Variants in RAB8B observed in about 807,000 individuals in gnomAD.
RAB8B encodes the protein ras-related protein Rab-8B.
In RAB8B, 11 loss-of-function variants were observed where a neutral mutation model predicts 32.0. The ratio of observed to expected loss-of-function variants is 0.34; its 90% confidence interval spans 0.22 to 0.57. The LOEUF is 0.57. RAB8B is among the 20% of genes least tolerant of loss of function. The pLI, the probability that RAB8B is intolerant of heterozygous loss-of-function variation, is 0.86. For synonymous variants in RAB8B, 103 were observed against 89.6 expected, an observed-to-expected ratio of 1.15 and a Z score of -0.85; for missense variants, 190 against 258.5, an observed-to-expected ratio of 0.73 and a Z score of 1.82.
chr15:63,253,123 A>C (rs754431416), intron 3 of RAB8B, among the ~76,000 whole-genome samples: 2 of 152,216 alleles, frequency 1.3e-5, no homozygotes, highest in Non-Finnish European at 2.9e-5. Context: ...AAAGTGAAGC[A>C]TTTGTATTTG....
At chr15:63,242,873 G>A (rs114115885) in intron 1 of RAB8B, among the ~76,000 whole-genome samples, 244 of 152,168 alleles carry the variant, frequency 1.6e-3, no homozygotes, top group African/African-American at 5.6e-3. Flanking sequence ...GTGGTGGTGT[G>A]GGGGTGGGGG....
Position 63,262,748 on chromosome 15 carries a change from T to G in RAB8B, c.531+6T>G. On this transcript the variant is annotated splice_donor_region_variant and intron_variant, in intron 7 of 7. Transcript: ENST00000321437. ...CAAAACTCAACAGAAAAATGGTTTG[T>G]ATCACTTATAATTTTTATTTCCATT... The G allele has an allele frequency of 7.0e-7, 1 of 1,420,074 alleles. No homozygotes were observed. The allele number at this position is 1,420,074 out of a possible 1,614,324, so 88.0% of individuals were successfully genotyped here.
Position 63,263,672 on chromosome 15 carries a change from C to T in RAB8B, c.*53C>T, listed in dbSNP as rs2038220149. 1 of 1,419,462 alleles carries T rather than the reference C, an allele frequency of 7.0e-7. No homozygotes were observed. Among genetic ancestry groups the T allele is most frequent in the Non-Finnish European group, 9.9e-7 (1 of 1,006,596 alleles). 87.9% of individuals were successfully genotyped at this position (1,419,462 alleles called of 1,614,324 possible). A position where few individuals can be genotyped will look rare whatever the true frequency, so the allele number is the denominator to read the frequency against. On this transcript the variant is annotated 3_prime_UTR_variant, in exon 8 of 8. Transcript: ENST00000321437. ...ACCTAGAGGGCCCTTTCCTGCTTCT[C>T]TGAAAGCACAGGTCACCCAGCCTCA...
intron 1 of RAB8B, among the ~76,000 whole-genome samples, chr15:63,239,919 G>A (rs1238401853): frequency 6.6e-6 from 1 of 152,104 alleles, no homozygotes; most frequent in East Asian, 1.9e-4. Context: ...TTAAATCACT[G>A]TGCAAAAACC....
intron 1 of RAB8B, among the ~76,000 whole-genome samples, chr15:63,198,021 G>T (rs926252618): frequency 6.6e-6 from 1 of 152,124 alleles, no homozygotes; most frequent in South Asian, 2.1e-4. Context: ...GTCTGGAGAG[G>T]TGCCCTTTTC....
intron 1 of RAB8B, among the ~76,000 whole-genome samples, chr15:63,196,925 A>C (rs1268865759): frequency 6.6e-6 from 1 of 152,224 alleles, no homozygotes; most frequent in East Asian, 1.9e-4. Flanking sequence ...ACCAAATAGA[A>C]AATGAGTGAA....
chr15:63,225,994 C>G (rs1400183930), intron 1 of RAB8B, among the ~76,000 whole-genome samples: 1 of 152,082 alleles, frequency 6.6e-6, no homozygotes, highest in East Asian at 1.9e-4. Flanking sequence ...GTGCTTGCCA[C>G]CATGCCTGGC....
At chr15:63,230,041 T>C (rs1279622911) in intron 1 of RAB8B, among the ~76,000 whole-genome samples, 2 of 150,402 alleles carry the variant, frequency 1.3e-5, no homozygotes, top group East Asian at 4.2e-4. Flanking sequence ...AAATATGCCA[T>C]TTGTGCCAAA....
rs553627717 is a variant in RAB8B at position 63,266,548 on chromosome 15, A to G, written c.*2929A>G. 3.6e-4 allele frequency: 55 copies of G among 152,730 alleles called. No homozygotes were observed. The highest frequency in any genetic ancestry group is 1.2e-3 in the African/African-American group (50 of 41,576). The allele number at this position is 152,730 out of a possible 1,614,324, so 9.5% of individuals were successfully genotyped here. ...TTAATTATACCTCATTTAGCTAACT[A>G]GTATTCTAATACCTGGTAGAAAAAC... On this transcript the variant is annotated 3_prime_UTR_variant, in exon 8 of 8. Transcript: ENST00000321437.
At chr15:63,249,344 G>A (rs941933148) in intron 2 of RAB8B, among the ~76,000 whole-genome samples, 4 of 151,996 alleles carry the variant, frequency 2.6e-5, no homozygotes, top group African/African-American at 2.4e-5. Context: ...TCCCTCCCAC[G>A]TGTGTTTGAC....
In RAB8B at chr15:63,248,292, T is replaced by C. The variant is rs1308966451; in HGVS notation, c.186-1353T>C. On this transcript the variant is annotated intron_variant, in intron 2 of 7. Transcript: ENST00000321437. The surrounding 1 kb of genome is among the most constrained non-coding windows in gnomAD (Gnocchi z 4.4). ...ACGTTGGGAGGCCGAGGCGGGTAGA[T>C]CACAAGGTCAGGAGTTTGAGACCAG... Among the ~76,000 whole-genome samples, 1 of 152,136 alleles carries C rather than the reference T, an allele frequency of 6.6e-6. No individual in the cohort carries two copies. Among genetic ancestry groups the C allele is most frequent in the African/African-American group, 2.4e-5 (1 of 41,418 alleles).
intron 1 of RAB8B, among the ~76,000 whole-genome samples, chr15:63,243,463 G>C (rs2038048122): frequency 6.6e-6 from 1 of 152,192 alleles, no homozygotes; most frequent in African/African-American, 2.4e-5. Context: ...ATTTGTCAAG[G>C]GCTTTGTGGT....
chr15:63,249,325 A>G (rs541223103), intron 2 of RAB8B, among the ~76,000 whole-genome samples: 2 of 152,330 alleles, frequency 1.3e-5, no homozygotes, highest in East Asian at 1.9e-4. Flanking sequence ...ATTTAGAACT[A>G]TTCTCTATTC....
At position 63,202,203 on chromosome 15, in the gene RAB8B, G is replaced by A. The variant is rs528093990; in HGVS notation, c.124+12455G>A. ...TGAGGGAGGAGAATGGCGTGAACCC[G>A]GGAGGCAGAGCTTGCAGTGAGCCGA... On this transcript the variant is annotated intron_variant, in intron 1 of 7. Coordinates refer to ENST00000321437, the MANE Select transcript of RAB8B (RefSeq NM_016530.3). Among the ~76,000 whole-genome samples, 32 of 151,756 alleles carry A rather than the reference G, an allele frequency of 2.1e-4. No individual in the cohort carries two copies. In the East Asian group the frequency reaches 4.8e-3, roughly 23 times the overall value.
chr15:63,217,949 G>C (rs2037807590), intron 1 of RAB8B, among the ~76,000 whole-genome samples: 1 of 152,168 alleles, frequency 6.6e-6, no homozygotes, highest in Non-Finnish European at 1.5e-5. Context: ...TAGAACTATA[G>C]AGCTAAAGCT....
intron 6 of RAB8B, among the ~76,000 whole-genome samples, chr15:63,260,394 A>G (rs2038192959): frequency 6.6e-6 from 1 of 152,228 alleles, no homozygotes; most frequent in African/African-American, 2.4e-5. Flanking sequence ...CTGTTAGTTT[A>G]TTGGACACAT....
chr15:63,209,014 C>T (rs1266436100), intron 1 of RAB8B, among the ~76,000 whole-genome samples: 3 of 151,388 alleles, frequency 2.0e-5, no homozygotes, highest in Non-Finnish European at 2.9e-5. Flanking sequence ...CTCAGCCTCC[C>T]GAGTAGCTGG....
In RAB8B at chr15:63,255,488, A is replaced by G. The variant is rs200643135; in HGVS notation, c.247-19A>G. The stretch of plus-strand genomic sequence containing the variant: ...TAAATATATAAAGTACTAAATAAAG[A>G]TATTTTTCCCCCTTATAGGGCATTA... On this transcript the variant is annotated intron_variant, in intron 3 of 7. Coordinates refer to ENST00000321437, the MANE Select transcript of RAB8B (RefSeq NM_016530.3). The G allele has an allele frequency of 4.6e-6, 7 of 1,518,872 alleles. No individual in the cohort carries two copies. The Admixed American group carries it at 1.2e-4, about 26-fold the overall frequency. The allele number at this position is 1,518,872 out of a possible 1,614,324, so 94.1% of individuals were successfully genotyped here.
chr15:63,209,394 C>G (rs1281302463), intron 1 of RAB8B, among the ~76,000 whole-genome samples: 4 of 151,720 alleles, frequency 2.6e-5, no homozygotes, highest in Admixed American at 2.6e-4. Context: ...AGTTTGAGAC[C>G]AGACTGGCCA....
Sources: allele counts gnomAD v4.1 joint callset (sites outside exome capture counted in the v4.1 genomes callset), GRCh38; gene constraint gnomAD v4.1.1; non-coding constraint Gnocchi (gnomAD v3.1); transcripts MANE v1.5; gene names NCBI Gene and HGNC (gene_info 2026-07-23, HGNC 2026-07-21).